The following CR2 variants were observed in gnomAD, a reference collection of about 807,000 sequenced individuals.
CR2 encodes the protein complement receptor type 2.
Under a neutral mutation model 123.0 loss-of-function variants are expected in CR2, and 96 were observed. The observed-to-expected ratio is 0.78, with a 90% CI of 0.66 to 0.93. CR2 has a LOEUF of 0.93. Among genes scored for constraint, CR2 ranks in the 40% least tolerant of loss-of-function variants. The probability of loss-of-function intolerance (pLI) is 0.00; values close to 1 mark genes in which losing one functional copy is unlikely to be tolerated. For synonymous variants in CR2, 484 were observed against 469.5 expected, an observed-to-expected ratio of 1.03 and a Z score of -0.40; for missense variants, 1,258 against 1,361.0, an observed-to-expected ratio of 0.92 and a Z score of 1.19.
At position 207,454,547 on chromosome 1, in the gene CR2, A is replaced by C; in HGVS notation, c.58+71A>C. The C allele has an allele frequency of 8.2e-7, 1 of 1,221,262 alleles. No individual in the cohort carries two copies. Among genetic ancestry groups the C allele is most frequent in the Non-Finnish European group, 1.1e-6 (1 of 887,518 alleles). The allele number at this position is 1,221,262 out of a possible 1,614,324, so 75.7% of individuals were successfully genotyped here. ...GGGAAAGTTTCTGTGCCGCGATGCA[A>C]AGCAGGGGGCCAAAAGCGAGACGGT... is the stretch of plus-strand genomic sequence containing the variant. On this transcript the variant is annotated intron_variant, in intron 1 of 19. Coordinates refer to ENST00000367057, the MANE Select transcript of CR2 (RefSeq NM_001006658.3). This position sits in a 1 kb window ranked among gnomAD's most constrained non-coding sequence, Gnocchi z 4.3.
chr1:207,487,842 G>A (rs1012579337), intron 19 of CR2, among the ~76,000 whole-genome samples: 3 of 152,200 alleles, frequency 2.0e-5, no homozygotes, highest in African/African-American at 7.2e-5. Context: ...GAATCTGCAG[G>A]TGCAGATGAA....
chr1:207,469,008 G>A, intron 4 of CR2, 109 bp downstream of exon 4: 3 of 1,404,356 alleles, frequency 2.1e-6, no homozygotes, highest in Non-Finnish European at 3.0e-6. Flanking sequence ...GGGCAGTCTG[G>A]GGTAGGGTTG....
In CR2 at chr1:207,477,915, A is replaced by T. The variant is rs112925548; in HGVS notation, c.2933A>T (p.Asp978Val). Residue 978 changes from aspartate (D) to valine (V), a missense_variant, in exon 16 of 20, where the codon GAT becomes GTT. Coordinates refer to ENST00000367057, the MANE Select transcript of CR2 (RefSeq NM_001006658.3). ...EVNCSSPADM[D>V]GIQKGLEPRK... ...AACTGTAGCTCACCAGCAGATATGG[A>T]TGGAATCCAGAAAGGGCTGGAACCA... 1 of 1,614,078 alleles carries T rather than the reference A, an allele frequency of 6.2e-7. No homozygotes were observed. Among genetic ancestry groups the T allele is most frequent in the Non-Finnish European group, 8.5e-7 (1 of 1,179,954 alleles).
rs1558194360 is a variant in CR2 at position 207,475,209 on chromosome 1, CAAA to C, written c.2713_2715del (p.Lys905del). On this transcript the variant is annotated inframe_deletion, in exon 14 of 20. Transcript: ENST00000367057. Reference sequence around the variant, plus strand: ...GGGTGCCAGGTGTGCCAACTTGTATCAAAAAAGGTAAGATACTTGGAAGGGATA... The same window carrying C: ...GGGTGCCAGGTGTGCCAACTTGTATCAAAGGTAAGATACTTGGAAGGGATA... 6.2e-7 allele frequency: 1 copy of C among 1,611,492 alleles called. No homozygotes were observed. The highest frequency in any genetic ancestry group is 1.3e-5 in the African/African-American group (1 of 74,684).
At chr1:207,460,862 A>G (rs547365382) in intron 1 of CR2, among the ~76,000 whole-genome samples, 6 of 152,076 alleles carry the variant, frequency 3.9e-5, no homozygotes, top group Non-Finnish European at 7.4e-5. Flanking sequence ...TTGGTGGCAT[A>G]TTACTCTACT....
chr1:207,479,463 G>T (rs920509876), intron 17 of CR2, among the ~76,000 whole-genome samples, 183 bp downstream of exon 17: 1 of 152,118 alleles, frequency 6.6e-6, no homozygotes, highest in African/African-American at 2.4e-5. Flanking sequence ...CATAGAGTTG[G>T]ATAAATTATT....
chr1:207,486,376 G>T (rs1009902403), intron 19 of CR2, among the ~76,000 whole-genome samples: 7 of 152,166 alleles, frequency 4.6e-5, no homozygotes, highest in Non-Finnish European at 2.9e-5. Context: ...GTGGCCTACA[G>T]TTGTAGAGAT....
Position 207,475,104 on chromosome 1 carries a change from T to C in CR2, c.2604T>C (p.Asn868=). 2 of 1,612,426 alleles carry C rather than the reference T, an allele frequency of 1.2e-6. No individual in the cohort carries two copies. Residue 868 remains asparagine, a synonymous_variant, in exon 14 of 20, where the codon AAT becomes AAC. Transcript: ENST00000367057. ...AAACACATTCTGCATATTCCCACAA[T>C]GACATAGTGTATGTTGACTGCAATC... ...LNKTHSAYSH[N]DIVYVDCNPG...
At chr1:207,474,684 G>A in intron 13 of CR2, 140 bp from the exon 14 acceptor site, 2 of 927,496 alleles carry the variant, frequency 2.2e-6, no homozygotes, top group South Asian at 1.5e-5. Context: ...TTTAAAAAAA[G>A]CATAATCCAT....
chr1:207,471,146 TC>T, intron 8 of CR2, 59 bp downstream of exon 8: 3 of 1,523,618 alleles, frequency 2.0e-6, no homozygotes, highest in Non-Finnish European at 9.1e-7. Flanking sequence ...CACTGCAGGC[TC>T]TATGTAAGAG....
chr1:207,454,415 T>C lies in CR2; in HGVS notation c.-4T>C. ...CATCCCGCCGCGGGGGCTTCGGCCGTGGCATGGGCGCCGCGGGCCTGCTCG... is the reference window on the plus strand; with the variant it reads ...CATCCCGCCGCGGGGGCTTCGGCCGCGGCATGGGCGCCGCGGGCCTGCTCG... On this transcript the variant is annotated 5_prime_UTR_variant, in exon 1 of 20. Coordinates refer to ENST00000367057, the MANE Select transcript of CR2 (RefSeq NM_001006658.3). The surrounding 1 kb of genome is among the most constrained non-coding windows in gnomAD (Gnocchi z 4.3). The C allele has an allele frequency of 6.3e-7, 1 of 1,581,048 alleles. No homozygotes were observed. Among genetic ancestry groups the C allele is most frequent in the Non-Finnish European group, 8.5e-7 (1 of 1,170,648 alleles).
chr1:207,462,930 T>C lies in CR2; in HGVS notation c.59-3596T>C, dbSNP rs990613652. On this transcript the variant is annotated intron_variant, in intron 1 of 19. Coordinates refer to ENST00000367057, the MANE Select transcript of CR2 (RefSeq NM_001006658.3). ...GGCATCCATGCACAGAAATGCAGAC[T>C]GTGTGCATTAAACAAGTAGTGTTCT... Among the ~76,000 whole-genome samples the C allele has an allele frequency of 4.6e-5, 7 of 152,230 alleles. No homozygotes were observed. The East Asian group carries it at 9.6e-4, about 21-fold the overall frequency.
chr1:207,473,914 A>G, intron 12 of CR2, 29 bp downstream of exon 12: 1 of 1,601,082 alleles, frequency 6.2e-7, no homozygotes. Flanking sequence ...ATTCTGAGAA[A>G]AGGTCTCAAC....
intron 10 of CR2, 49 bp from the exon 11 acceptor site, chr1:207,473,496 G>A (rs754712566): frequency 1.9e-6 from 3 of 1,561,836 alleles, no homozygotes; most frequent in East Asian, 4.5e-5. Context: ...GTGTTCTTGA[G>A]TAGAAATTCC....
intron 18 of CR2, among the ~76,000 whole-genome samples, chr1:207,480,554 A>G (rs901773466): frequency 5.9e-5 from 9 of 152,188 alleles, no homozygotes; most frequent in Non-Finnish European, 1.3e-4. Flanking sequence ...TTGATAATAT[A>G]TAAAGATAGG....
chr1:207,462,288 C>T (rs73072560), intron 1 of CR2, among the ~76,000 whole-genome samples: 2,866 of 152,126 alleles, frequency 0.019, 65 homozygotes, highest in African/African-American at 0.064. Context: ...GCTATGAGGT[C>T]ATAGAGAAAT....
At chr1:207,477,657 C>CA (rs1330504047) in intron 15 of CR2, among the ~76,000 whole-genome samples, 1 of 151,960 alleles carries the variant, frequency 6.6e-6, no homozygotes, top group African/African-American at 2.4e-5. Flanking sequence ...GAAACTGAAG[C>CA]AAAAAACACA....
chr1:207,459,787 C>T (rs563839720), intron 1 of CR2, among the ~76,000 whole-genome samples: 2 of 152,300 alleles, frequency 1.3e-5, no homozygotes, highest in Admixed American at 6.5e-5. Context: ...CTTGATGGCC[C>T]ATGGCTTAAC....
At chr1:207,471,938 G>A (rs1558192180) in intron 9 of CR2, 1 of 239,398 alleles carries the variant, frequency 4.2e-6, no homozygotes, top group African/African-American at 2.3e-5. Flanking sequence ...AGACTAGGAG[G>A]TCCAGAGAAT....
Sources: gnomAD v4.1 joint callset for allele counts (sites outside exome capture counted in the v4.1 genomes callset) on GRCh38, gnomAD v4.1.1 for gene constraint, Gnocchi (gnomAD v3.1) non-coding constraint, MANE v1.5 for transcripts, NCBI Gene and HGNC (gene_info 2026-07-23, HGNC 2026-07-21) for gene names.